The following EEF1D variants were observed in gnomAD, a reference collection of about 807,000 sequenced individuals.
EEF1D encodes elongation factor 1-delta.
In EEF1D, 47 loss-of-function variants were observed where a neutral mutation model predicts 63.9. The observed-to-expected ratio is 0.74, with a 90% CI of 0.58 to 0.94. The LOEUF is 0.94. Ranked by LOEUF, EEF1D falls within the 40% of genes least tolerant of loss-of-function variation. EEF1D has a pLI of 0.00. For synonymous variants in EEF1D, 412 were observed against 386.1 expected, an observed-to-expected ratio of 1.07 and a Z score of -0.79; for missense variants, 907 against 899.0, an observed-to-expected ratio of 1.01 and a Z score of -0.11.
rs756905747 is a variant in EEF1D, at chr8:143,579,746, T to C, written c.*46A>G. On this transcript the variant is annotated 3_prime_UTR_variant, in exon 10 of 10. Coordinates refer to ENST00000618139, the MANE Select transcript of EEF1D (RefSeq NM_001130053.5). ...CCAGAGGGCCGGTCTCAGTCTTTAA[T>C]CGTGGCAGGGCCTCACGCACGCGCG... 1 of 1,511,598 alleles carries C rather than the reference T, an allele frequency of 6.6e-7. No homozygotes were observed. The highest frequency in any genetic ancestry group is 1.3e-5 in the South Asian group (1 of 74,874). 93.6% of individuals were successfully genotyped at this position (1,511,598 alleles called of 1,614,324 possible).
Position 143,589,423 on chromosome 8 carries a change from G to A in EEF1D, c.659C>T (p.Pro220Leu). 3.9e-6 allele frequency: 6 copies of A among 1,530,856 alleles called. No individual in the cohort carries two copies. In the South Asian group the frequency reaches 4.9e-5, roughly 13 times the overall value. 94.8% of individuals were successfully genotyped at this position (1,530,856 alleles called of 1,614,324 possible). ...HQPSPPVNGQ[P>L]PLGSLQALVR... ...CAGTGCCTGCAGGCTGCCCAGCGGG[G>A]GCTGGCCATTGACCGGTGGGCTGGG... Residue 220 changes from proline to leucine, a missense_variant, in exon 3 of 10, where the codon CCC becomes CTC. Transcript: ENST00000618139.
At chr8:143,594,889 C>T (rs1828542524) in intron 1 of EEF1D, among the ~76,000 whole-genome samples, 1 of 66,328 alleles carries the variant, frequency 1.5e-5, no homozygotes, top group Non-Finnish European at 5.4e-5. Flanking sequence ...AGATCAATGT[C>T]TTCCTGCGTG....
At position 143,589,873 on chromosome 8, in the gene EEF1D, C is replaced by T. The variant is rs1029485601; in HGVS notation, c.209G>A (p.Ser70Asn). 2 of 1,600,288 alleles carry T rather than the reference C, an allele frequency of 1.2e-6. No homozygotes were observed. The highest frequency in any genetic ancestry group is 1.3e-5 in the African/African-American group (1 of 74,834). The change falls in exon 3 of 10, where the codon AGC becomes AAC. Residue 70 changes from serine (S) to asparagine (N), a missense_variant. Transcript: ENST00000618139. Reference sequence around the variant, plus strand: ...CTGGCTCTTCCTGGGATCACGCCTGCTGCCGCCGTCAGGGGCTTCCGCCTC... The same window carrying T: ...CTGGCTCTTCCTGGGATCACGCCTGTTGCCGCCGTCAGGGGCTTCCGCCTC... ...ADEAEAPDGGSRRDPRKSQDS... is the reference protein window; with the variant it reads ...ADEAEAPDGGNRRDPRKSQDS...
rs372578098 is a variant in EEF1D at position 143,580,680 on chromosome 8, G to A, written c.1536C>T (p.Ala512=). The change falls in exon 8 of 10, where the codon GCC becomes GCT. Residue 512 remains alanine, a synonymous_variant. Transcript: ENST00000618139. ...CATCCTCGTCATCCTCTGCTGGTGT[G>A]GCTGGCTTCTTGGCTGGGGGCTCCA... ...RQVEPPAKKP[A]TPAEDDEDDD... The A allele has an allele frequency of 1.2e-6, 2 of 1,613,938 alleles. No homozygotes were observed. Among genetic ancestry groups the A allele is most frequent in the Non-Finnish European group, 1.7e-6 (2 of 1,180,000 alleles).
intron 5 of EEF1D, among the ~76,000 whole-genome samples, chr8:143,584,448 T>C (rs939622424): frequency 2.7e-5 from 4 of 150,426 alleles, no homozygotes; most frequent in Non-Finnish European, 4.4e-5. Context: ...ACACCTGCAG[T>C]CTCAGCTACT....
At chr8:143,596,413 C>T (rs1045944700) in intron 1 of EEF1D, 2 of 152,320 alleles carry the variant, frequency 1.3e-5, no homozygotes, top group Non-Finnish European at 1.5e-5. Flanking sequence ...AGCTGCATCC[C>T]CCACCCCCAG....
At position 143,586,105 on chromosome 8, in the gene EEF1D, T is replaced by C. The variant is rs542825193; in HGVS notation, c.1287+114A>G. On this transcript the variant is annotated intron_variant, in intron 5 of 9. Transcript: ENST00000618139. ...ACACGTCCCAAGGAGCACAGCGCCGTGCACCCTGCCCTGACTCTGCTGTGA... is the reference window on the plus strand; with the variant it reads ...ACACGTCCCAAGGAGCACAGCGCCGCGCACCCTGCCCTGACTCTGCTGTGA... 41 of 897,686 alleles carry C rather than the reference T, an allele frequency of 4.6e-5. No individual in the cohort carries two copies. The South Asian group carries it at 6.4e-4, about 14-fold the overall frequency. The allele number at this position is 897,686 out of a possible 1,614,324, so 55.6% of individuals were successfully genotyped here.
intron 5 of EEF1D, chr8:143,581,600 C>A: frequency 1.9e-6 from 1 of 537,156 alleles, no homozygotes; most frequent in Non-Finnish European, 3.3e-6. Flanking sequence ...CTGCTGCTGC[C>A]CGGCGGAATC....
chr8:143,589,074 C>G lies in EEF1D; in HGVS notation c.1008G>C (p.Arg336=), dbSNP rs4874160. Reference sequence around the variant, plus strand: ...AGGCAGCTTCGAGGCACCAGGCCACCCGCAGGGCCTCGGCAGCGTGGTGGC... The same window carrying G: ...AGGCAGCTTCGAGGCACCAGGCCACGCGCAGGGCCTCGGCAGCGTGGTGGC... ...ECRHHAAEAL[R]VAWCLEAASL... is the part of the protein sequence containing the mutation. Residue 336 remains arginine, a synonymous_variant, in exon 3 of 10, where the codon CGG becomes CGC. Transcript: ENST00000618139. 0.074 allele frequency: 118,492 copies of G among 1,608,396 alleles called. 4,866 individuals carry two copies. The highest frequency in any genetic ancestry group is 0.14 in the East Asian group (6,441 of 44,742).
In EEF1D at chr8:143,581,482, AGAGGTG is replaced by A. The variant is rs546013263; in HGVS notation, c.1288-160_1288-155del. The stretch of plus-strand genomic sequence containing the variant: ...ATGCCCAGCTCAAACTTATGACCTC[AGAGGTG>A]GCGGCCACCACAGACCACAGTGAAA... On this transcript the variant is annotated intron_variant, in intron 5 of 9. Transcript: ENST00000618139. 450 of 657,966 alleles carry A rather than the reference AGAGGTG, an allele frequency of 6.8e-4. 5 individuals are homozygous for A. The highest frequency in any genetic ancestry group is 5.0e-3 in the South Asian group (261 of 52,262). 40.8% of individuals were successfully genotyped at this position (657,966 alleles called of 1,614,324 possible).
Position 143,589,047 on chromosome 8 carries a change from G to A in EEF1D, c.1035C>T (p.Ser345=), listed in dbSNP as rs748390753. The part of the protein sequence containing the change: ...LRVAWCLEAA[S]LSHRPGPRSG... ...ACCGAGGACCGGGTCGGTGAGACAG[G>A]GAGGCAGCTTCGAGGCACCAGGCCA... is the stretch of plus-strand genomic sequence containing the variant. The change falls in exon 3 of 10, where the codon TCC becomes TCT. Residue 345 remains serine, a synonymous_variant. Coordinates refer to ENST00000618139, the MANE Select transcript of EEF1D (RefSeq NM_001130053.5). 3.7e-6 allele frequency: 6 copies of A among 1,606,008 alleles called. No homozygotes were observed. The highest frequency in any genetic ancestry group is 5.1e-6 in the Non-Finnish European group (6 of 1,179,534).
At chr8:143,586,472 G>A (rs752128956) in intron 4 of EEF1D, among the ~76,000 whole-genome samples, 182 bp from the exon 5 acceptor site, 9 of 152,242 alleles carry the variant, frequency 5.9e-5, no homozygotes, top group Non-Finnish European at 8.8e-5. Context: ...AGGCAAAGGC[G>A]CCCATGTCTG....
intron 7 of EEF1D, 88 bp from the exon 8 acceptor site, chr8:143,580,815 CCTTT>C: frequency 1.4e-6 from 2 of 1,472,198 alleles, no homozygotes; most frequent in Non-Finnish European, 1.9e-6. Context: ...CCTCCTCCCT[CCTTT>C]GACTGGAGGA....
rs1209286890 is a variant in EEF1D at position 143,589,166 on chromosome 8, A to C, written c.916T>G (p.Tyr306Asp). The C allele has an allele frequency of 3.1e-6, 5 of 1,606,790 alleles. No individual in the cohort carries two copies. The highest frequency in any genetic ancestry group is 4.2e-6 in the Non-Finnish European group (5 of 1,176,866). ...GEAPSALPYC[Y>D]FLQKDAEAPW... is the part of the protein sequence containing the mutation. ...GCCTCTGCATCCTTCTGCAGGAAGT[A>C]ACAGTAGGGCAAGGCAGAGGGGGCC... Residue 306 changes from tyrosine (Y) to aspartate (D), a missense_variant, in exon 3 of 10, where the codon TAC (tyrosine) becomes GAC (aspartate). Physicochemically the swap from Tyr to Asp is radical, Grantham distance 160. Transcript: ENST00000618139.
At position 143,580,496 on chromosome 8, in the gene EEF1D, G is replaced by T. The variant is rs373473999; in HGVS notation, c.1710+10C>A. 6.2e-7 allele frequency: 1 copy of T among 1,607,088 alleles called. No homozygotes were observed. The highest frequency in any genetic ancestry group is 1.3e-5 in the African/African-American group (1 of 74,818). ...GCCTGGCCCCCTGAAGCCCCACCCC[G>T]CCCACTCACAGGCTTGACATCCAGC... On this transcript the variant is annotated intron_variant, in intron 8 of 9. Coordinates refer to ENST00000618139, the MANE Select transcript of EEF1D (RefSeq NM_001130053.5).
In EEF1D at chr8:143,586,229, G is replaced by A. The variant is rs1414453778; in HGVS notation, c.1277C>T (p.Ser426Phe). Reference protein sequence around the residue: ...IARARENIQKSLAGSSGPGAS... With the variant: ...IARARENIQKFLAGSSGPGAS... ...GCCGCGGGTACTCACTCCAGCCAGG[G>A]ATTTCTGGATGTTCTCTCTGGCTCT... The change falls in exon 5 of 10, where the codon TCC becomes TTC. Residue 426 changes from serine to phenylalanine, a missense_variant. Physicochemically the swap from Ser to Phe is radical, Grantham distance 155. Transcript: ENST00000618139. 6.2e-7 allele frequency: 1 copy of A among 1,609,626 alleles called. No individual in the cohort carries two copies. The highest frequency in any genetic ancestry group is 8.5e-7 in the Non-Finnish European group (1 of 1,178,890).
intron 1 of EEF1D, chr8:143,594,657 C>CG (rs940910702): frequency 2.0e-5 from 3 of 152,416 alleles, no homozygotes; most frequent in African/African-American, 7.2e-5. Context: ...GGGCAGGGGA[C>CG]GGGGTCAGCC....
intron 5 of EEF1D, chr8:143,583,413 G>C (rs1393602733): frequency 2.0e-5 from 3 of 152,312 alleles, no homozygotes; most frequent in East Asian, 3.8e-4. Context: ...CACAGCCAGG[G>C]CTGAAGAGTT....
chr8:143,588,212 T>C (rs1326493739), intron 3 of EEF1D, among the ~76,000 whole-genome samples: 1 of 152,178 alleles, frequency 6.6e-6, no homozygotes, highest in Non-Finnish European at 1.5e-5. Context: ...AACCACTTCC[T>C]TGGGGGCCTC....
Sources: allele counts gnomAD v4.1 joint callset (sites outside exome capture counted in the v4.1 genomes callset), GRCh38; gene constraint gnomAD v4.1.1; transcripts MANE v1.5; gene names NCBI Gene and HGNC (gene_info 2026-07-23, HGNC 2026-07-21).